The following UNC5D variants were observed in gnomAD, a reference collection of about 807,000 sequenced individuals.
The protein encoded by UNC5D is netrin receptor UNC5D.
In UNC5D, 39 loss-of-function variants were observed where a neutral mutation model predicts 105.4. That is an observed-to-expected ratio of 0.37 (90% CI 0.29 to 0.48). The LOEUF (loss-of-function observed/expected upper bound fraction) is 0.48, where lower values mean the gene tolerates loss of function less well. UNC5D is among the 20% of genes least tolerant of loss of function. The probability of loss-of-function intolerance (pLI) is 0.98; values close to 1 mark genes in which losing one functional copy is unlikely to be tolerated. For synonymous variants in UNC5D, 452 were observed against 450.4 expected, an observed-to-expected ratio of 1.00 and a Z score of -0.04; for missense variants, 991 against 1,202.4, an observed-to-expected ratio of 0.82 and a Z score of 2.60.
chr8:35,477,856 T>C (rs1331154418), intron 1 of UNC5D, among the ~76,000 whole-genome samples: 1 of 152,108 alleles, frequency 6.6e-6, no homozygotes, highest in African/African-American at 2.4e-5. Flanking sequence ...AAATGACCAC[T>C]CTTATTGAGT....
At chr8:35,322,340 T>C (rs1809813483) in intron 1 of UNC5D, among the ~76,000 whole-genome samples, 1 of 152,116 alleles carries the variant, frequency 6.6e-6, no homozygotes, top group Non-Finnish European at 1.5e-5. Flanking sequence ...CTCCCCCCTT[T>C]TTTTTTTCTT....
At chr8:35,381,075 G>T (rs370542686) in intron 1 of UNC5D, among the ~76,000 whole-genome samples, 2 of 152,234 alleles carry the variant, frequency 1.3e-5, no homozygotes, top group South Asian at 2.1e-4. Flanking sequence ...GAATGTGTGT[G>T]TGTGTGTGTG....
chr8:35,426,677 T>G (rs1440370122), intron 1 of UNC5D, among the ~76,000 whole-genome samples: 1 of 152,194 alleles, frequency 6.6e-6, no homozygotes, highest in Non-Finnish European at 1.5e-5. Context: ...TTAAAACTAT[T>G]AAAAAGGTGA....
chr8:35,528,511 G>C (rs1420482343), intron 1 of UNC5D, among the ~76,000 whole-genome samples: 1 of 146,338 alleles, frequency 6.8e-6, no homozygotes, highest in Non-Finnish European at 1.5e-5. Context: ...AAACATACGT[G>C]TGCATGTGTC....
At chr8:35,583,401 G>A (rs1318770679) in intron 3 of UNC5D, among the ~76,000 whole-genome samples, 1 of 152,042 alleles carries the variant, frequency 6.6e-6, no homozygotes, top group Non-Finnish European at 1.5e-5. Context: ...GTGTGTATAT[G>A]TATATATATG....
At chr8:35,378,615 G>T (rs1802841205) in intron 1 of UNC5D, among the ~76,000 whole-genome samples, 2 of 152,170 alleles carry the variant, frequency 1.3e-5, no homozygotes, top group Non-Finnish European at 2.9e-5. Flanking sequence ...CCTGATCTTG[G>T]CTTGGAATCT....
chr8:35,770,144 A>G (rs1801946890), intron 15 of UNC5D, among the ~76,000 whole-genome samples: 1 of 152,190 alleles, frequency 6.6e-6, no homozygotes, highest in South Asian at 2.1e-4. Flanking sequence ...AAAGCACATC[A>G]TACTTCATGT....
intron 1 of UNC5D, among the ~76,000 whole-genome samples, chr8:35,487,458 T>TGG (rs1810896458): frequency 6.6e-6 from 1 of 152,086 alleles, no homozygotes; most frequent in Non-Finnish European, 1.5e-5. Context: ...AGCTCTTCCC[T>TGG]GGATCCCCAG....
chr8:35,309,673 A>G (rs1808723830), intron 1 of UNC5D, among the ~76,000 whole-genome samples: 1 of 151,806 alleles, frequency 6.6e-6, no homozygotes, highest in African/African-American at 2.4e-5. Context: ...TTTCTCTCAC[A>G]TTTTTTTTCA....
chr8:35,429,580 G>A (rs1806486095), intron 1 of UNC5D, among the ~76,000 whole-genome samples: 1 of 151,974 alleles, frequency 6.6e-6, no homozygotes, highest in Non-Finnish European at 1.5e-5. Flanking sequence ...TATTACTAGA[G>A]GAAATGAGTT....
At position 35,684,644 on chromosome 8, in the gene UNC5D, T is replaced by C. The variant is rs1008365068; in HGVS notation, c.814T>C (p.Trp272Arg). The C allele has an allele frequency of 6.2e-7, 1 of 1,613,806 alleles. No homozygotes were observed. The highest frequency in any genetic ancestry group is 1.3e-5 in the African/African-American group (1 of 74,920). Reference sequence around the variant, plus strand: ...CTGCAATGTTCGCTGTGGTAGAGGATGGCAGAAACGTTCCCGGACCTGCAC... The same window carrying C: ...CTGCAATGTTCGCTGTGGTAGAGGACGGCAGAAACGTTCCCGGACCTGCAC... ...SACNVRCGRG[W>R]QKRSRTCTNP... The change falls in exon 6 of 17, where the codon TGG becomes CGG. Residue 272 changes from tryptophan (W) to arginine (R), a missense_variant. By Grantham distance (101) the Trp-to-Arg change is moderately radical. Transcript: ENST00000404895.
chr8:35,402,033 A>G (rs1042121193), intron 1 of UNC5D, among the ~76,000 whole-genome samples: 4 of 152,174 alleles, frequency 2.6e-5, no homozygotes, highest in Admixed American at 1.3e-4. Context: ...CATTCTGTGC[A>G]TGATTGTTTT....
Position 35,734,878 on chromosome 8 carries a change from G to A in UNC5D, c.1766+3782G>A, listed in dbSNP as rs149401357. On this transcript the variant is annotated intron_variant, in intron 11 of 16. Coordinates refer to ENST00000404895, the MANE Select transcript of UNC5D (RefSeq NM_080872.4). ...GCTCACTGCAACCTCTGCCTCCCAG[G>A]TTCAAGTGATTCTCTCTGCCTCAGC... Among the ~76,000 whole-genome samples the A allele has an allele frequency of 6.7e-3, 1,009 of 150,204 alleles. 7 individuals are homozygous for A. The highest frequency in any genetic ancestry group is 0.014 in the Middle Eastern group (4 of 288).
At chr8:35,359,525 T>C (rs1801744738) in intron 1 of UNC5D, among the ~76,000 whole-genome samples, 1 of 152,198 alleles carries the variant, frequency 6.6e-6, no homozygotes, top group Non-Finnish European at 1.5e-5. Flanking sequence ...TTCTTTGACA[T>C]GGGACATTCT....
At chr8:35,437,717 C>T (rs1807117948) in intron 1 of UNC5D, among the ~76,000 whole-genome samples, 1 of 152,030 alleles carries the variant, frequency 6.6e-6, no homozygotes, top group Admixed American at 6.6e-5. Flanking sequence ...TCTATAAAAC[C>T]TTGTGGGGCC....
chr8:35,662,867 C>T (rs1824194052), intron 4 of UNC5D, among the ~76,000 whole-genome samples: 1 of 152,164 alleles, frequency 6.6e-6, no homozygotes, highest in Admixed American at 6.6e-5. Flanking sequence ...GGAGCATTAC[C>T]ACCTGAGCTC....
chr8:35,574,333 A>G (rs1349807984), intron 3 of UNC5D, among the ~76,000 whole-genome samples: 2 of 152,192 alleles, frequency 1.3e-5, no homozygotes, highest in African/African-American at 2.4e-5. Context: ...CAAGTTAGCC[A>G]CTTGAAAGAA....
chr8:35,396,824 T>G (rs1294676038), intron 1 of UNC5D, among the ~76,000 whole-genome samples: 1 of 150,098 alleles, frequency 6.7e-6, no homozygotes, highest in Non-Finnish European at 1.5e-5. Flanking sequence ...TTTTTTTGTA[T>G]AAATTTATAG....
In UNC5D at chr8:35,791,126, CCT is replaced by C. The variant is rs1326937673; in HGVS notation, c.*564_*565del. ...GAGCACATCACACCAGCACCAGCTC[CCT>C]GTCTCTTCTAGCCACTTAATGGAGA... On this transcript the variant is annotated 3_prime_UTR_variant, in exon 17 of 17. Transcript: ENST00000404895. 6.0e-6 allele frequency: 1 copy of C among 167,224 alleles called. No homozygotes were observed. The highest frequency in any genetic ancestry group is 2.4e-5 in the African/African-American group (1 of 41,622). 10.4% of individuals were successfully genotyped at this position (167,224 alleles called of 1,614,324 possible). A position where few individuals can be genotyped will look rare whatever the true frequency, so the allele number is the denominator to read the frequency against.
Sources: gnomAD v4.1 joint callset for allele counts (sites outside exome capture counted in the v4.1 genomes callset) on GRCh38, gnomAD v4.1.1 for gene constraint, MANE v1.5 for transcripts, NCBI Gene and HGNC (gene_info 2026-07-23, HGNC 2026-07-21) for gene names.